Variants in PAG1 observed in about 807,000 individuals in gnomAD.
The protein encoded by PAG1 is phosphoprotein membrane anchor with glycosphingolipid microdomains 1.
PAG1 carries 23 observed loss-of-function variants against 31.7 expected under a neutral mutation model. The observed-to-expected ratio is 0.73, with a 90% confidence interval of 0.52 to 1.03. The LOEUF (loss-of-function observed/expected upper bound fraction) is 1.03. Ranked by LOEUF, PAG1 falls within the 50% of genes least tolerant of loss-of-function variation. The probability of loss-of-function intolerance (pLI) is 0.00; values close to 1 mark genes in which losing one functional copy is unlikely to be tolerated. For missense variants in PAG1, 473 were observed against 540.7 expected, an observed-to-expected ratio of 0.87 and a Z score of 1.24; for synonymous variants, 214 against 210.3, an observed-to-expected ratio of 1.02 and a Z score of -0.15.
chr8:81,102,822 A>G (rs1359205930), intron 1 of PAG1, among the ~76,000 whole-genome samples: 1 of 152,250 alleles, frequency 6.6e-6, no homozygotes, highest in African/African-American at 2.4e-5. Context: ...GCATTAAATG[A>G]GTAACATAAT....
At chr8:80,983,144 C>T (rs915673244) in intron 7 of PAG1, among the ~76,000 whole-genome samples, 10 of 152,304 alleles carry the variant, frequency 6.6e-5, no homozygotes, top group African/African-American at 2.2e-4. Context: ...CAGTCCCCTC[C>T]TCTTCCCTTA....
At chr8:81,023,222 GT>G (rs1366213456) in intron 3 of PAG1, among the ~76,000 whole-genome samples, 1 of 152,034 alleles carries the variant, frequency 6.6e-6, no homozygotes, top group African/African-American at 2.4e-5. Flanking sequence ...TTATTTAACA[GT>G]GATGTGCTAC....
chr8:80,979,667 T>C (rs993099643), intron 8 of PAG1, among the ~76,000 whole-genome samples: 1 of 152,220 alleles, frequency 6.6e-6, no homozygotes, highest in African/African-American at 2.4e-5. Flanking sequence ...TGTACCTGCA[T>C]ATGTACTTTG....
intron 2 of PAG1, among the ~76,000 whole-genome samples, chr8:81,063,506 G>A (rs905675072): frequency 1.3e-5 from 2 of 152,110 alleles, no homozygotes; most frequent in African/African-American, 4.8e-5. Flanking sequence ...TTCATAAGAC[G>A]GAGTGGGAGT....
chr8:81,060,428 G>A (rs1009555263), intron 2 of PAG1, among the ~76,000 whole-genome samples: 1 of 152,188 alleles, frequency 6.6e-6, no homozygotes, highest in Non-Finnish European at 1.5e-5. Flanking sequence ...ATAAACCACA[G>A]CAAGTTGATG....
chr8:80,987,338 G>A (rs541778969), intron 6 of PAG1, 32 bp downstream of exon 6: 1 of 1,345,138 alleles, frequency 7.4e-7, no homozygotes, highest in South Asian at 1.2e-5. Context: ...GATGAGGCCT[G>A]TGTGGAAAGC....
chr8:81,089,667 C>T (rs1055925924), intron 1 of PAG1, among the ~76,000 whole-genome samples: 1 of 151,952 alleles, frequency 6.6e-6, no homozygotes, highest in African/African-American at 2.4e-5. Flanking sequence ...TTGGATTGTA[C>T]AGTAAACAAA....
intron 1 of PAG1, among the ~76,000 whole-genome samples, chr8:81,104,031 G>A (rs1189288797): frequency 3.3e-5 from 5 of 152,070 alleles, no homozygotes; most frequent in Admixed American, 2.6e-4. Flanking sequence ...AATTCCATGC[G>A]CTTCTTGAGA....
At chr8:81,020,350 T>C (rs1292160815) in intron 3 of PAG1, among the ~76,000 whole-genome samples, 1 of 152,198 alleles carries the variant, frequency 6.6e-6, no homozygotes, top group African/African-American at 2.4e-5. Flanking sequence ...GGTTTGGCTA[T>C]GTCCCCACCC....
intron 3 of PAG1, among the ~76,000 whole-genome samples, chr8:81,002,553 A>T (rs764989816): frequency 2.0e-5 from 3 of 152,202 alleles, no homozygotes; most frequent in Admixed American, 6.5e-5. Flanking sequence ...ACACCAGTTC[A>T]CTGTGAGCTA....
intron 5 of PAG1, among the ~76,000 whole-genome samples, chr8:80,988,103 A>G (rs573331085): frequency 6.6e-6 from 1 of 152,300 alleles, no homozygotes; most frequent in Admixed American, 6.5e-5. Flanking sequence ...GGGCACTGGG[A>G]ATCTTCCAAA....
chr8:81,097,936 C>T (rs1308159434), intron 1 of PAG1, among the ~76,000 whole-genome samples: 1 of 152,192 alleles, frequency 6.6e-6, no homozygotes, highest in Non-Finnish European at 1.5e-5. Context: ...TGGTGCAACA[C>T]TACACTCTGC....
chr8:81,020,768 T>A (rs998809051), intron 3 of PAG1, among the ~76,000 whole-genome samples: 1 of 152,208 alleles, frequency 6.6e-6, no homozygotes, highest in Admixed American at 6.5e-5. Flanking sequence ...AAATGATGGG[T>A]AATCTTATGT....
intron 3 of PAG1, among the ~76,000 whole-genome samples, chr8:81,017,850 C>T (rs1350749410): frequency 6.6e-6 from 1 of 152,170 alleles, no homozygotes; most frequent in East Asian, 1.9e-4. Flanking sequence ...ATTTAAACAG[C>T]CCCTTGGGTA....
At chr8:80,998,057 A>T (rs568320946) in intron 3 of PAG1, among the ~76,000 whole-genome samples, 1 of 152,026 alleles carries the variant, frequency 6.6e-6, no homozygotes, top group East Asian at 1.9e-4. Flanking sequence ...TATATCCACT[A>T]ATTTGTTTTA....
At position 81,007,764 on chromosome 8, in the gene PAG1, C is replaced by T. The variant is rs73694008; in HGVS notation, c.-80-14457G>A. On this transcript the variant is annotated intron_variant, in intron 3 of 8. Coordinates refer to ENST00000220597, the MANE Select transcript of PAG1 (RefSeq NM_018440.4). ...GAGGCTTTGAGGAGGTCTGGCTGTA[C>T]TAAGAGCATAGACTATATTTCTGTG... Among the ~76,000 whole-genome samples the T allele has an allele frequency of 2.8e-3, 418 of 151,506 alleles. 1 individual carries two copies. Among genetic ancestry groups the T allele is most frequent in the African/African-American group, 9.9e-3 (408 of 41,336 alleles).
intron 3 of PAG1, among the ~76,000 whole-genome samples, chr8:81,028,571 G>A (rs1253475213): frequency 6.6e-6 from 1 of 152,152 alleles, no homozygotes; most frequent in African/African-American, 2.4e-5. Context: ...CTTTTTTCAT[G>A]TAACACAGGC....
intron 5 of PAG1, among the ~76,000 whole-genome samples, chr8:80,989,844 G>C (rs1052093880): frequency 3.5e-4 from 53 of 152,268 alleles, no homozygotes; most frequent in African/African-American, 1.2e-3. Context: ...AGGTGCTGCT[G>C]CTGCTGTGGG....
chr8:81,027,139 T>C (rs1286248712), intron 3 of PAG1, among the ~76,000 whole-genome samples: 2 of 152,070 alleles, frequency 1.3e-5, no homozygotes, highest in East Asian at 1.9e-4. Flanking sequence ...GCCTCCCAGG[T>C]AGCTGGGACT....
Sources: gnomAD v4.1 joint callset for allele counts (sites outside exome capture counted in the v4.1 genomes callset) on GRCh38, gnomAD v4.1.1 for gene constraint, MANE v1.5 for transcripts, NCBI Gene and HGNC (gene_info 2026-07-23, HGNC 2026-07-21) for gene names.